Variants in FZR1 observed in about 807,000 individuals in gnomAD.
The protein encoded by FZR1 is fizzy-related protein homolog.
FZR1 carries 11 observed loss-of-function variants against 63.6 expected under a neutral mutation model. The observed-to-expected ratio is 0.17, with a 90% CI of 0.11 to 0.29. The LOEUF (loss-of-function observed/expected upper bound fraction) is 0.29. Among genes scored for constraint, FZR1 ranks in the 10% least tolerant of loss-of-function variants. The pLI, the probability that FZR1 is intolerant of heterozygous loss-of-function variation, is 1.00. For synonymous variants in FZR1, 328 were observed against 297.9 expected (o/e 1.10, Z -1.04); for missense variants, 440 against 687.5 (o/e 0.64, Z 4.03).
In FZR1 at chr19:3,537,231, C is replaced by T. The variant is rs967864045; in HGVS notation, c.*2395C>T. ...GACAGCTGAGAGGAGGTGGAGGGGC[C>T]CCAGGGGAGTGTACGTCAGGCTTTG... On this transcript the variant is annotated 3_prime_UTR_variant, in exon 14 of 14. Coordinates refer to ENST00000441788, the MANE Select transcript of FZR1 (RefSeq NM_016263.4). 1 of 152,328 alleles carries T rather than the reference C, an allele frequency of 6.6e-6. No homozygotes were observed. Among genetic ancestry groups the T allele is most frequent in the African/African-American group, 2.4e-5 (1 of 41,428 alleles). 9.4% of individuals were successfully genotyped at this position (152,328 alleles called of 1,614,324 possible).
At chr19:3,520,684 C>T (rs2083093564) in intron 1 of FZR1, among the ~76,000 whole-genome samples, 1 of 152,256 alleles carries the variant, frequency 6.6e-6, no homozygotes, top group African/African-American at 2.4e-5. Flanking sequence ...CCTGCGGGCT[C>T]TTGCAGAAGA....
rs1248745060 is a variant in FZR1, at chr19:3,526,018, TGGGACCCCCC to T, written c.195+30_195+39del. The T allele has an allele frequency of 1.2e-6, 2 of 1,611,322 alleles. No homozygotes were observed. The highest frequency in any genetic ancestry group is 1.7e-6 in the Non-Finnish European group (2 of 1,179,320). On this transcript the variant is annotated intron_variant, in intron 3 of 13. Transcript: ENST00000441788. The surrounding 1 kb of genome is among the most constrained non-coding windows in gnomAD (Gnocchi z 5.4). Reference sequence around the variant, plus strand: ...CGTGAGGGGCTGGCTGGGCAGGAGATGGGACCCCCCGGGAAGCCCAGGGCCCCTCCCAGCC... The same window carrying T: ...CGTGAGGGGCTGGCTGGGCAGGAGATGGGAAGCCCAGGGCCCCTCCCAGCC...
At position 3,526,313 on chromosome 19, in the gene FZR1, A is replaced by G; in HGVS notation, c.314A>G (p.Glu105Gly). The change falls in exon 5 of 14, where the codon GAG becomes GGG. Residue 105 changes from glutamate to glycine, a missense_variant. By Grantham distance (98) the Glu-to-Gly change is moderately conservative. Transcript: ENST00000441788. This position sits in a 1 kb window ranked among gnomAD's most constrained non-coding sequence, Gnocchi z 5.4. ...AATGAGCTGCTGGGTGCCGGCATCG[A>G]GAAGGTGCAGGACCCGCAGACTGAG... ...LKNELLGAGI[E>G]KVQDPQTEDR... is the part of the protein sequence containing the mutation. 1.2e-6 allele frequency: 2 copies of G among 1,605,892 alleles called. No individual in the cohort carries two copies. Among genetic ancestry groups the G allele is most frequent in the Non-Finnish European group, 1.7e-6 (2 of 1,176,888 alleles).
At chr19:3,508,105 G>A (rs984412834) in intron 1 of FZR1, among the ~76,000 whole-genome samples, 1 of 152,038 alleles carries the variant, frequency 6.6e-6, no homozygotes, top group Non-Finnish European at 1.5e-5. Context: ...GCAGTGGTGG[G>A]GGTAGGGGTT....
rs1187680324 is a variant in FZR1, at chr19:3,525,450, T to C, written c.70-418T>C. Among the ~76,000 whole-genome samples, 6 of 139,964 alleles carry C rather than the reference T, an allele frequency of 4.3e-5. No homozygotes were observed. Among genetic ancestry groups the C allele is most frequent in the African/African-American group, 1.6e-4 (6 of 37,536 alleles). The allele number at this position is 139,964 out of a possible 152,430, so 91.8% of individuals were successfully genotyped here. A position where few individuals can be genotyped will look rare whatever the true frequency, so the allele number is the denominator to read the frequency against. On this transcript the variant is annotated intron_variant, in intron 2 of 13. Coordinates refer to ENST00000441788, the MANE Select transcript of FZR1 (RefSeq NM_016263.4). The surrounding 1 kb of genome is among the most constrained non-coding windows in gnomAD (Gnocchi z 4.2). Reference sequence around the variant, plus strand: ...GGGTTTTCTTTTTTTTTTTTTTTTTTTTTTTTTTTTGAGACGGAGTCTCGC... The same window carrying C: ...GGGTTTTCTTTTTTTTTTTTTTTTTCTTTTTTTTTTGAGACGGAGTCTCGC...
chr19:3,514,947 G>A lies in FZR1; in HGVS notation c.-34-8009G>A, dbSNP rs920877212. Among the ~76,000 whole-genome samples the A allele has an allele frequency of 5.9e-5, 9 of 152,162 alleles. No homozygotes were observed. Among genetic ancestry groups the A allele is most frequent in the Admixed American group, 2.0e-4 (3 of 15,288 alleles). On this transcript the variant is annotated intron_variant, in intron 1 of 13. Coordinates refer to ENST00000441788, the MANE Select transcript of FZR1 (RefSeq NM_016263.4). The surrounding 1 kb of genome is among the most constrained non-coding windows in gnomAD (Gnocchi z 4.2). ...CTCTTCATTCTGGGGCCCAGGGGGT[G>A]AAAGGTGGACCTTCCCTATGAGCTG... is the stretch of plus-strand genomic sequence containing the variant.
intron 12 of FZR1, 97 bp from the exon 13 acceptor site, chr19:3,534,324 C>T: frequency 1.5e-6 from 1 of 647,664 alleles, no homozygotes; most frequent in East Asian, 3.0e-5. Context: ...GGGGGCCCAG[C>T]CACCCGACAC....
chr19:3,519,965 C>T (rs2083086745), intron 1 of FZR1, among the ~76,000 whole-genome samples: 1 of 152,098 alleles, frequency 6.6e-6, no homozygotes, highest in African/African-American at 2.4e-5. Flanking sequence ...CCCACACCCA[C>T]AGCTCTCGTG....
chr19:3,517,435 C>T (rs1359085052), intron 1 of FZR1, among the ~76,000 whole-genome samples: 1 of 152,002 alleles, frequency 6.6e-6, no homozygotes, highest in Non-Finnish European at 1.5e-5. Context: ...ACCTGTAATC[C>T]CAGCACTTTG....
rs958657266 is a variant in FZR1 at position 3,537,030 on chromosome 19, C to T, written c.*2194C>T. The T allele has an allele frequency of 3.6e-5, 4 of 110,234 alleles. No individual in the cohort carries two copies. The highest frequency in any genetic ancestry group is 1.0e-4 in the African/African-American group (3 of 28,686). The allele number at this position is 110,234 out of a possible 1,614,324, so 6.8% of individuals were successfully genotyped here. Reference sequence around the variant, plus strand: ...GGCCCTGTTCCAGGGAGGAGGTGCTCGGTTGACACCATCAGGGAGGGAGGG... The same window carrying T: ...GGCCCTGTTCCAGGGAGGAGGTGCTTGGTTGACACCATCAGGGAGGGAGGG... On this transcript the variant is annotated 3_prime_UTR_variant, in exon 14 of 14. Coordinates refer to ENST00000441788, the MANE Select transcript of FZR1 (RefSeq NM_016263.4).
rs528586905 is a variant in FZR1, at chr19:3,525,157, G to T, written c.70-711G>T. On this transcript the variant is annotated intron_variant, in intron 2 of 13. Transcript: ENST00000441788. The surrounding 1 kb of genome is among the most constrained non-coding windows in gnomAD (Gnocchi z 4.2). ...CGTGTCTTGTGCCGTCAAGGCCTGCGTCTGTGATCATCTAGAGACGGTGAA... is the reference window on the plus strand; with the variant it reads ...CGTGTCTTGTGCCGTCAAGGCCTGCTTCTGTGATCATCTAGAGACGGTGAA... Among the ~76,000 whole-genome samples the T allele has an allele frequency of 2.0e-5, 3 of 152,266 alleles. No homozygotes were observed. The highest frequency in any genetic ancestry group is 2.1e-4 in the South Asian group (1 of 4,830).
At chr19:3,531,247 C>T (rs1158285325) in intron 8 of FZR1, among the ~76,000 whole-genome samples, 4 of 152,174 alleles carry the variant, frequency 2.6e-5, no homozygotes, top group Non-Finnish European at 5.9e-5. Flanking sequence ...GGGTCTGTGC[C>T]CCTCACCCAG....
intron 7 of FZR1, among the ~76,000 whole-genome samples, chr19:3,528,761 G>GCA (rs2083191311): frequency 8.3e-6 from 1 of 120,256 alleles, no homozygotes. Context: ...GTGGGTGTGT[G>GCA]GATGGGTGCG....
chr19:3,521,605 G>A (rs1409603893), intron 1 of FZR1, among the ~76,000 whole-genome samples: 2 of 151,848 alleles, frequency 1.3e-5, no homozygotes, highest in African/African-American at 2.4e-5. Flanking sequence ...GGGTTCAAGC[G>A]CTCCTCCTGC....
chr19:3,530,753 G>T, intron 7 of FZR1, 39 bp from the exon 8 acceptor site: 1 of 1,559,092 alleles, frequency 6.4e-7, no homozygotes, highest in East Asian at 2.3e-5. Context: ...CTGGGGCTTC[G>T]AGACCAGCGG....
rs375479536 is a variant in FZR1, at chr19:3,534,814, A to G, written c.1460A>G (p.Asn487Ser). Residue 487 changes from asparagine (N) to serine (S), a missense_variant, in exon 14 of 14, where the codon AAC becomes AGC. Asn to Ser is a conservative substitution (Grantham distance 46). Coordinates refer to ENST00000441788, the MANE Select transcript of FZR1 (RefSeq NM_016263.4). ...RSTKESVSVLNLFTRIR is the reference protein window; with the variant it reads ...RSTKESVSVLSLFTRIR ...CTGCAGGAGTCTGTGTCTGTGCTCA[A>G]CCTCTTCACCAGGATCCGGTAAACC... is the stretch of plus-strand genomic sequence containing the variant. 23 of 1,612,734 alleles carry G rather than the reference A, an allele frequency of 1.4e-5. No individual in the cohort carries two copies. The highest frequency in any genetic ancestry group is 2.2e-5 in the East Asian group (1 of 44,844).
chr19:3,530,659 TG>T, intron 7 of FZR1, 132 bp from the exon 8 acceptor site: 1 of 660,806 alleles, frequency 1.5e-6, no homozygotes, highest in Non-Finnish European at 2.7e-6. Flanking sequence ...GGACTGTGGA[TG>T]GGAGAGTGGA....
intron 13 of FZR1, 104 bp downstream of exon 13, chr19:3,534,617 C>T (rs2083279149): frequency 2.2e-6 from 2 of 915,916 alleles, no homozygotes; most frequent in Non-Finnish European, 3.5e-6. Flanking sequence ...GGTTCCCCCA[C>T]TTCCGAGCTT....
intron 1 of FZR1, among the ~76,000 whole-genome samples, chr19:3,507,522 G>T (rs1032864884): frequency 1.3e-5 from 2 of 151,854 alleles, no homozygotes; most frequent in African/African-American, 4.8e-5. Flanking sequence ...CGTCTCTCTG[G>T]TTCCGATTCC....
Sources: allele counts gnomAD v4.1 joint callset (sites outside exome capture counted in the v4.1 genomes callset), GRCh38; gene constraint gnomAD v4.1.1; non-coding constraint Gnocchi (gnomAD v3.1); transcripts MANE v1.5; gene names NCBI Gene and HGNC (gene_info 2026-07-23, HGNC 2026-07-21).